Variants in BLTP1 observed in about 807,000 individuals in gnomAD.
The protein encoded by BLTP1 is bridge-like lipid transfer protein family member 1.
At chr4:122,209,252 A>G in the BLTP1 span, 4 of 1,613,244 alleles carry the variant, frequency 2.5e-6, no homozygotes, top group Non-Finnish European at 3.4e-6. Context: ...TCCAAATAAG[A>G]TGATTCATGA....
chr4:122,273,626 G>T, the BLTP1 span, among the ~76,000 whole-genome samples: 9 of 151,922 alleles, frequency 5.9e-5, no homozygotes, highest in Non-Finnish European at 1.5e-5. Context: ...CTGCCTGAAG[G>T]TTAATTTAAT....
the BLTP1 span, chr4:122,242,917 CA>C: frequency 1.2e-6 from 1 of 828,344 alleles, no homozygotes; most frequent in Non-Finnish European, 2.0e-6. Flanking sequence ...TTAGGTAATT[CA>C]GGTATTTACA....
chr4:122,338,194 A>G, the BLTP1 span, among the ~76,000 whole-genome samples: 1 of 152,030 alleles, frequency 6.6e-6, no homozygotes, highest in African/African-American at 2.4e-5. Flanking sequence ...CACACCTGTA[A>G]TCACAGCACT....
At chr4:122,247,851 A>G in the BLTP1 span, 14 of 980,436 alleles carry the variant, frequency 1.4e-5, no homozygotes, top group Non-Finnish European at 1.7e-5. Context: ...GTTATACATC[A>G]TTTTAATATT....
the BLTP1 span, among the ~76,000 whole-genome samples, chr4:122,332,858 C>T: frequency 8.5e-6 from 1 of 117,688 alleles, no homozygotes; most frequent in African/African-American, 3.3e-5. Context: ...TCAATTCCCA[C>T]CTATGAGTGA....
the BLTP1 span, among the ~76,000 whole-genome samples, chr4:122,168,974 G>T: frequency 2.6e-5 from 4 of 151,966 alleles, no homozygotes; most frequent in Admixed American, 2.0e-4. Context: ...TTTAGAAGGG[G>T]TCTCCCTCTC....
At chr4:122,232,183 G>A in the BLTP1 span, 1 of 881,010 alleles carries the variant, frequency 1.1e-6, no homozygotes, top group Admixed American at 6.2e-5. Flanking sequence ...TTTCTTACGA[G>A]TTAACAAGTT....
chr4:122,166,568 G>C, the BLTP1 span, among the ~76,000 whole-genome samples: 16 of 152,048 alleles, frequency 1.1e-4, no homozygotes, highest in Non-Finnish European at 2.4e-4. Flanking sequence ...CTCTTTTTTG[G>C]TTCCATATGA....
At chr4:122,231,327 G>T in the BLTP1 span, among the ~76,000 whole-genome samples, 1 of 152,196 alleles carries the variant, frequency 6.6e-6, no homozygotes, top group South Asian at 2.1e-4. Context: ...TTTCTGATAA[G>T]TGAAAGGTGG....
chr4:122,249,265 A>T, the BLTP1 span: 2 of 544,944 alleles, frequency 3.7e-6, no homozygotes, highest in South Asian at 1.6e-4. Flanking sequence ...AAACAAATTC[A>T]TACTACCTTT....
At chr4:122,273,078 C>T in the BLTP1 span, 2 of 289,530 alleles carry the variant, frequency 6.9e-6, no homozygotes, top group African/African-American at 4.6e-5. Flanking sequence ...TCTCTTGCAG[C>T]AATGATTATA....
chr4:122,314,286 A>T, the BLTP1 span: 192 of 248,738 alleles, frequency 7.7e-4, no homozygotes, highest in Admixed American at 2.9e-3. Flanking sequence ...AGAGTTATAT[A>T]AAAAAAAAGA....
chr4:122,304,919 T>G, the BLTP1 span: 1 of 1,613,974 alleles, frequency 6.2e-7, no homozygotes, highest in South Asian at 1.1e-5. Context: ...AGCAGCTATC[T>G]GAAACTGTTT....
At chr4:122,192,174 CTT>C in the BLTP1 span, 1 of 1,574,734 alleles carries the variant, frequency 6.4e-7, no homozygotes, top group Admixed American at 1.8e-5. Flanking sequence ...TCTAAGGAAA[CTT>C]TTTAATGGCC....
At chr4:122,244,745 AAG>A in the BLTP1 span, 1 of 500,366 alleles carries the variant, frequency 2.0e-6, no homozygotes, top group Non-Finnish European at 2.6e-6. Flanking sequence ...CATATAAATG[AAG>A]AACACAGGAA....
At chr4:122,301,164 A>G in the BLTP1 span, 5 of 1,150,218 alleles carry the variant, frequency 4.3e-6, no homozygotes, top group East Asian at 1.2e-4. Flanking sequence ...TCTCAGTTAA[A>G]TGTAACTTAG....
At chr4:122,311,023 G>C in the BLTP1 span, 1 of 382,822 alleles carries the variant, frequency 2.6e-6, no homozygotes, top group East Asian at 1.6e-4. Context: ...TTTAATAAAA[G>C]ACAAAAATAA....
At chr4:122,301,018 T>A in the BLTP1 span, 1 of 981,382 alleles carries the variant, frequency 1.0e-6, no homozygotes. Context: ...AGTTTACTTT[T>A]TTCCCTCAAA....
the BLTP1 span, among the ~76,000 whole-genome samples, chr4:122,266,444 AG>A: frequency 6.6e-6 from 1 of 152,188 alleles, no homozygotes. Context: ...GAAACACAAT[AG>A]GAATTCATAC....
Sources: gnomAD v4.1 joint callset for allele counts (sites outside exome capture counted in the v4.1 genomes callset) on GRCh38, gnomAD v4.1.1 for gene constraint, MANE v1.5 for transcripts, NCBI Gene and HGNC (gene_info 2026-07-23, HGNC 2026-07-21) for gene names.